EPHA6: variants seen among roughly 807,000 people sequenced by gnomAD.
EPHA6 encodes ephrin type-A receptor 6.
Under a neutral mutation model 112.0 loss-of-function variants are expected in EPHA6, and 50 were observed. That is an observed-to-expected ratio of 0.45 (90% CI 0.36 to 0.56). The LOEUF is 0.56. EPHA6 is among the 20% of genes least tolerant of loss of function. EPHA6 has a pLI of 0.00. For missense variants in EPHA6, 1,280 were observed against 1,417.4 expected (o/e 0.90, Z 1.56); for synonymous variants, 529 against 490.7 (o/e 1.08, Z -1.03).
intron 5 of EPHA6, among the ~76,000 whole-genome samples, chr3:97,382,926 G>A (rs1251059866): frequency 6.6e-6 from 1 of 151,962 alleles, no homozygotes. Flanking sequence ...GTAGCAAGAT[G>A]TCATCTACTC....
At chr3:97,535,203 A>T (rs946334201) in intron 11 of EPHA6, among the ~76,000 whole-genome samples, 6 of 152,132 alleles carry the variant, frequency 3.9e-5, no homozygotes, top group Non-Finnish European at 5.9e-5. Context: ...AGCATCCAAC[A>T]TAGTGATTGC....
intron 10 of EPHA6, among the ~76,000 whole-genome samples, chr3:97,525,512 T>G (rs1196776899): frequency 6.6e-6 from 1 of 152,200 alleles, no homozygotes; most frequent in East Asian, 1.9e-4. Flanking sequence ...TGGGGTTGGT[T>G]AGTAAAGCCT....
intron 3 of EPHA6, among the ~76,000 whole-genome samples, chr3:97,033,314 A>T (rs1410897912): frequency 6.6e-6 from 1 of 151,990 alleles, no homozygotes; most frequent in African/African-American, 2.4e-5. Context: ...AGTTGTAAAA[A>T]ACTTGTAGAA....
At chr3:97,000,085 C>T (rs1370802044) in intron 3 of EPHA6, among the ~76,000 whole-genome samples, 1 of 151,754 alleles carries the variant, frequency 6.6e-6, no homozygotes, top group Non-Finnish European at 1.5e-5. Flanking sequence ...GTTGGCCGGC[C>T]TTCCAAGTTA....
At chr3:97,534,938 A>G (rs1300823058) in intron 11 of EPHA6, among the ~76,000 whole-genome samples, 2 of 152,116 alleles carry the variant, frequency 1.3e-5, no homozygotes, top group South Asian at 2.1e-4. Context: ...AGCATCCAAC[A>G]ATAAATTAAA....
chr3:96,903,639 A>G (rs1048234584), intron 2 of EPHA6, among the ~76,000 whole-genome samples: 6 of 152,136 alleles, frequency 3.9e-5, no homozygotes, highest in African/African-American at 1.4e-4. Flanking sequence ...TTTTTTAAAC[A>G]ATTTTAGAGA....
chr3:97,486,149 AAT>A (rs1359151933), intron 10 of EPHA6, among the ~76,000 whole-genome samples: 15 of 152,358 alleles, frequency 9.8e-5, no homozygotes, highest in Non-Finnish European at 1.9e-4. Context: ...CCTGAACTCT[AAT>A]AAGTCATAAT....
At chr3:97,711,754 C>T (rs1366486107) in intron 14 of EPHA6, among the ~76,000 whole-genome samples, 1 of 152,172 alleles carries the variant, frequency 6.6e-6, no homozygotes, top group African/African-American at 2.4e-5. Flanking sequence ...ACTTAATCTA[C>T]TGATTCAAAT....
chr3:97,472,980 A>C (rs996668734), intron 7 of EPHA6, among the ~76,000 whole-genome samples: 1 of 151,766 alleles, frequency 6.6e-6, no homozygotes, highest in African/African-American at 2.4e-5. Context: ...AGGAATGATA[A>C]TAGTACCTAC....
chr3:97,556,041 A>G (rs936275967), intron 11 of EPHA6, among the ~76,000 whole-genome samples: 1 of 151,904 alleles, frequency 6.6e-6, no homozygotes, highest in Admixed American at 6.6e-5. Flanking sequence ...ACCCTGTCCT[A>G]ATCACCCCAG....
In EPHA6 at chr3:97,756,079, T is replaced by A. The variant is rs2036018193; in HGVS notation, c.*7378T>A. 1.3e-5 allele frequency among the ~76,000 whole-genome samples: 2 copies of A among 152,034 alleles called. No homozygotes were observed. The highest frequency in any genetic ancestry group is 1.3e-4 in the Admixed American group (2 of 15,280). On this transcript the variant is annotated 3_prime_UTR_variant, in exon 18 of 18. Transcript: ENST00000389672. ...TCATTCACTTAGAGAAGCCATAATATAATTCTTCATATTAGTTTATTTTTC... is the reference window on the plus strand; with the variant it reads ...TCATTCACTTAGAGAAGCCATAATAAAATTCTTCATATTAGTTTATTTTTC...
chr3:97,221,365 T>C (rs1019924912), intron 3 of EPHA6, among the ~76,000 whole-genome samples: 1 of 58,164 alleles, frequency 1.7e-5, no homozygotes, highest in African/African-American at 6.3e-5. Flanking sequence ...TATTCCCAAA[T>C]AGATTTTTCT....
At chr3:97,404,356 T>G (rs2087196866) in intron 5 of EPHA6, among the ~76,000 whole-genome samples, 1 of 152,166 alleles carries the variant, frequency 6.6e-6, no homozygotes, top group South Asian at 2.1e-4. Flanking sequence ...ACGTGAGAAA[T>G]GGCGTATCAA....
intron 1 of EPHA6, among the ~76,000 whole-genome samples, chr3:96,829,344 GA>G (rs2033869509): frequency 6.6e-6 from 1 of 152,242 alleles, no homozygotes; most frequent in African/African-American, 2.4e-5. Context: ...TGAGGAAACT[GA>G]AGCCTAGGGA....
At chr3:97,472,859 G>A (rs2107451038) in intron 7 of EPHA6, among the ~76,000 whole-genome samples, 1 of 151,914 alleles carries the variant, frequency 6.6e-6, no homozygotes, top group Non-Finnish European at 1.5e-5. Flanking sequence ...AGGAAAAATG[G>A]TGGTTTAAAG....
chr3:96,972,399 A>C (rs929408619), intron 2 of EPHA6, among the ~76,000 whole-genome samples: 1 of 143,518 alleles, frequency 7.0e-6, no homozygotes, highest in Non-Finnish European at 1.5e-5. Flanking sequence ...GAAGAGAGGA[A>C]AGAGATTTCA....
At position 97,512,666 on chromosome 3, in the gene EPHA6, C is replaced by T. The variant is rs138434384; in HGVS notation, c.2201-19692C>T. Among the ~76,000 whole-genome samples the T allele has an allele frequency of 9.4e-4, 143 of 152,200 alleles. 1 individual carries two copies. Among genetic ancestry groups the T allele is most frequent in the African/African-American group, 3.1e-3 (128 of 41,542 alleles). ...TGCAACCTGTGCCTCCGGGTTCAAG[C>T]GAGTCTCCTGTCTCAATCTCCGGAG... is the stretch of plus-strand genomic sequence containing the variant. On this transcript the variant is annotated intron_variant, in intron 10 of 17. Transcript: ENST00000389672.
intron 3 of EPHA6, among the ~76,000 whole-genome samples, chr3:97,138,461 C>T (rs1452814781): frequency 6.6e-6 from 1 of 152,222 alleles, no homozygotes; most frequent in East Asian, 1.9e-4. Context: ...CCCATGCCTG[C>T]CTATCCCTCC....
At chr3:97,592,535 G>T in intron 11 of EPHA6, 77 bp from the exon 12 acceptor site, 1 of 1,533,276 alleles carries the variant, frequency 6.5e-7, no homozygotes, top group Non-Finnish European at 8.9e-7. Flanking sequence ...GTTGATTTTA[G>T]GTTTTATTCC....
Sources: gnomAD v4.1 joint callset for allele counts (sites outside exome capture counted in the v4.1 genomes callset) on GRCh38, gnomAD v4.1.1 for gene constraint, MANE v1.5 for transcripts, NCBI Gene and HGNC (gene_info 2026-07-23, HGNC 2026-07-21) for gene names.